The following SLC35F3 variants were observed in gnomAD, a reference collection of about 807,000 sequenced individuals.
SLC35F3 encodes the protein putative thiamine transporter SLC35F3.
SLC35F3 carries 25 observed loss-of-function variants against 49.9 expected under a neutral mutation model. The observed-to-expected ratio is 0.50, with a 90% confidence interval of 0.37 to 0.70. The LOEUF (loss-of-function observed/expected upper bound fraction) is 0.70. Ranked by LOEUF, SLC35F3 falls within the 30% of genes least tolerant of loss-of-function variation. SLC35F3 has a pLI of 0.00. For missense variants in SLC35F3, 525 were observed against 639.8 expected (o/e 0.82, Z 1.94); for synonymous variants, 275 against 265.4 (o/e 1.04, Z -0.35).
At chr1:234,089,181 A>G (rs1229051179) in intron 2 of SLC35F3, among the ~76,000 whole-genome samples, 2 of 151,930 alleles carry the variant, frequency 1.3e-5, no homozygotes, top group Non-Finnish European at 1.5e-5. Flanking sequence ...TCCACCGAGC[A>G]TAGTCCCAGC....
At chr1:234,250,858 A>G (rs569870313) in intron 3 of SLC35F3, among the ~76,000 whole-genome samples, 12 of 152,290 alleles carry the variant, frequency 7.9e-5, no homozygotes, top group African/African-American at 2.9e-4. Flanking sequence ...CACAGGAGCT[A>G]ATAGAGTGAG....
At chr1:234,310,412 G>A (rs1657323510) in intron 4 of SLC35F3, among the ~76,000 whole-genome samples, 1 of 152,212 alleles carries the variant, frequency 6.6e-6, no homozygotes, top group African/African-American at 2.4e-5. Flanking sequence ...GGGGACGTGA[G>A]TCAACTTCTG....
Position 234,027,029 on chromosome 1 carries a change from TA to T in SLC35F3, c.283+121272del, listed in dbSNP as rs1304591506. 6.5e-6 allele frequency: 1 copy of T among 152,964 alleles called. No individual in the cohort carries two copies. Among genetic ancestry groups the T allele is most frequent in the Non-Finnish European group, 1.5e-5 (1 of 68,292 alleles). 9.5% of individuals were successfully genotyped at this position (152,964 alleles called of 1,614,324 possible). A position where few individuals can be genotyped will look rare whatever the true frequency, so the allele number is the denominator to read the frequency against. On this transcript the variant is annotated intron_variant, in intron 2 of 7. Transcript: ENST00000366618. This position sits in a 1 kb window ranked among gnomAD's most constrained non-coding sequence, Gnocchi z 4.1. The stretch of plus-strand genomic sequence containing the variant: ...AGAGCACGTCTGTGTGCAGATAGGA[TA>T]GGGGGCATAGTTTCTTGTCCAGTTG...
Position 233,936,746 on chromosome 1 carries a change from T to C in SLC35F3, c.283+30988T>C, listed in dbSNP as rs569931061. 1.0e-3 allele frequency among the ~76,000 whole-genome samples: 155 copies of C among 152,084 alleles called. 1 individual carries two copies. Among genetic ancestry groups the C allele is most frequent in the African/African-American group, 3.6e-3 (150 of 41,490 alleles). On this transcript the variant is annotated intron_variant, in intron 2 of 7. Coordinates refer to ENST00000366618, the MANE Select transcript of SLC35F3 (RefSeq NM_173508.4). ...CTATGTCGCCCAAGCTGAAGTGCAG[T>C]GGTGTGATCATGGTTCACTGCAGCC...
intron 3 of SLC35F3, among the ~76,000 whole-genome samples, chr1:234,307,704 G>A (rs1657233825): frequency 6.6e-6 from 1 of 152,144 alleles, no homozygotes; most frequent in Admixed American, 6.5e-5. Flanking sequence ...TCTATTTCTA[G>A]ATCACTAGCA....
chr1:234,032,350 C>A (rs1330328662), intron 2 of SLC35F3, among the ~76,000 whole-genome samples: 1 of 151,464 alleles, frequency 6.6e-6, no homozygotes, highest in Admixed American at 6.6e-5. Flanking sequence ...TTCTTAGATT[C>A]TTTTTATATT....
In SLC35F3 at chr1:234,071,016, G is replaced by A. The variant is rs369382334; in HGVS notation, c.284-160401G>A. Among the ~76,000 whole-genome samples, 89 of 152,274 alleles carry A rather than the reference G, an allele frequency of 5.8e-4. 1 individual carries two copies. Among genetic ancestry groups the A allele is most frequent in the African/African-American group, 2.0e-3 (85 of 41,546 alleles). ...CCTGAAGCCCTGCCTCCAGGCAGCC[G>A]ACAGAGCCTCACGACTCTATCAGAG... On this transcript the variant is annotated intron_variant, in intron 2 of 7. Transcript: ENST00000366618.
chr1:233,978,958 C>A (rs1025199757), intron 2 of SLC35F3, among the ~76,000 whole-genome samples: 48 of 151,824 alleles, frequency 3.2e-4, no homozygotes, highest in Non-Finnish European at 3.8e-4. Flanking sequence ...ATCGCTTGAG[C>A]CTGGGAGGCA....
intron 3 of SLC35F3, among the ~76,000 whole-genome samples, chr1:234,297,962 G>A (rs1371982573): frequency 6.6e-6 from 1 of 152,114 alleles, no homozygotes; most frequent in African/African-American, 2.4e-5. Flanking sequence ...TAAATCTTAT[G>A]TTAAGTGTTC....
intron 3 of SLC35F3, among the ~76,000 whole-genome samples, chr1:234,302,455 G>A (rs1668707158): frequency 6.6e-6 from 1 of 152,152 alleles, no homozygotes; most frequent in Non-Finnish European, 1.5e-5. Context: ...TGGACAGTGA[G>A]GAAGGCAAGG....
At chr1:233,990,769 C>T (rs553835483) in intron 2 of SLC35F3, among the ~76,000 whole-genome samples, 3 of 152,010 alleles carry the variant, frequency 2.0e-5, no homozygotes, top group Non-Finnish European at 4.4e-5. Context: ...ATTACACATC[C>T]GTAAAGCTGA....
intron 2 of SLC35F3, among the ~76,000 whole-genome samples, chr1:234,091,299 C>G (rs932272188): frequency 6.6e-6 from 1 of 152,224 alleles, no homozygotes; most frequent in African/African-American, 2.4e-5. Context: ...GCCCTGCTGT[C>G]TGTTTACTCT....
intron 3 of SLC35F3, among the ~76,000 whole-genome samples, chr1:234,244,174 A>G (rs912404323): frequency 6.6e-6 from 1 of 152,216 alleles, no homozygotes; most frequent in African/African-American, 2.4e-5. Context: ...ATCCTCTACC[A>G]TGCATACTTA....
At chr1:234,021,865 G>A (rs1663900974) in intron 2 of SLC35F3, among the ~76,000 whole-genome samples, 1 of 151,924 alleles carries the variant, frequency 6.6e-6, no homozygotes, top group South Asian at 2.1e-4. Flanking sequence ...TCAAAGGATG[G>A]AGCAGTGACA....
At chr1:233,989,957 T>C (rs185136079) in intron 2 of SLC35F3, among the ~76,000 whole-genome samples, 1 of 152,256 alleles carries the variant, frequency 6.6e-6, no homozygotes, top group Admixed American at 6.5e-5. Context: ...CCCATGTCTT[T>C]GTATAGAATA....
intron 2 of SLC35F3, among the ~76,000 whole-genome samples, chr1:234,198,547 T>A (rs1300317050): frequency 1.3e-5 from 2 of 152,352 alleles, no homozygotes; most frequent in African/African-American, 4.8e-5. Flanking sequence ...CTCCAACAGT[T>A]GCTATTGTCT....
At chr1:234,261,630 TA>T (rs1667907188) in intron 3 of SLC35F3, 1 of 152,252 alleles carries the variant, frequency 6.6e-6, no homozygotes, top group Non-Finnish European at 1.5e-5. Flanking sequence ...TTGTGACCTG[TA>T]TCTTGTGCCT....
intron 3 of SLC35F3, chr1:234,268,696 C>A (rs574157263): frequency 6.6e-6 from 1 of 152,350 alleles, no homozygotes; most frequent in Admixed American, 6.5e-5. Flanking sequence ...CTACCCAAGA[C>A]TGAGACATCA....
intron 2 of SLC35F3, among the ~76,000 whole-genome samples, chr1:234,136,451 T>C (rs1250299906): frequency 6.6e-6 from 1 of 152,038 alleles, no homozygotes; most frequent in Non-Finnish European, 1.5e-5. Flanking sequence ...GCTCAAGTTA[T>C]TCTTCCACCC....
Sources: gnomAD v4.1 joint callset for allele counts (sites outside exome capture counted in the v4.1 genomes callset) on GRCh38, gnomAD v4.1.1 for gene constraint, Gnocchi (gnomAD v3.1) non-coding constraint, MANE v1.5 for transcripts, NCBI Gene and HGNC (gene_info 2026-07-23, HGNC 2026-07-21) for gene names.